Variants in SNX30 observed in about 807,000 individuals in gnomAD.
The protein encoded by SNX30 is sorting nexin-30.
SNX30 carries 24 observed loss-of-function variants against 46.4 expected under a neutral mutation model. The ratio of observed to expected loss-of-function variants is 0.52; its 90% CI spans 0.37 to 0.73. The LOEUF (loss-of-function observed/expected upper bound fraction) is 0.73. SNX30 is among the 30% of genes least tolerant of loss of function. The pLI is 0.00. For synonymous variants in SNX30, 189 were observed against 211.5 expected (o/e 0.89, Z 0.92); for missense variants, 533 against 555.7 (o/e 0.96, Z 0.41).
At chr9:112,787,230 A>G (rs1839943651) in intron 1 of SNX30, among the ~76,000 whole-genome samples, 1 of 152,212 alleles carries the variant, frequency 6.6e-6, no homozygotes, top group Non-Finnish European at 1.5e-5. Context: ...GCAGATCTAA[A>G]TCAATACAAC....
chr9:112,763,360 C>CTTTTTTT (rs751720343), intron 1 of SNX30, among the ~76,000 whole-genome samples: 1 of 47,566 alleles, frequency 2.1e-5, no homozygotes, highest in Non-Finnish European at 3.4e-5. Flanking sequence ...GCTATTTAAA[C>CTTTTTTT]TTTTTTTTTT....
intron 6 of SNX30, among the ~76,000 whole-genome samples, chr9:112,847,252 C>T (rs1030353363): frequency 4.0e-5 from 6 of 151,052 alleles, no homozygotes; most frequent in East Asian, 1.9e-4. Context: ...GTATCCCAGC[C>T]GTCCCGTGCG....
At chr9:112,781,259 A>G (rs1238256951) in intron 1 of SNX30, among the ~76,000 whole-genome samples, 2 of 152,174 alleles carry the variant, frequency 1.3e-5, no homozygotes, top group Admixed American at 6.5e-5. Flanking sequence ...TTTATTGGCT[A>G]TATTTACATA....
intron 1 of SNX30, among the ~76,000 whole-genome samples, chr9:112,758,465 G>T (rs956836168): frequency 6.6e-6 from 1 of 152,150 alleles, no homozygotes; most frequent in Non-Finnish European, 1.5e-5. Context: ...GAGTAGCTGG[G>T]ACCACAGACG....
rs115553948 is a variant in SNX30, at chr9:112,866,019, G to A, written c.1254+1620G>A. 5.4e-3 allele frequency among the ~76,000 whole-genome samples: 825 copies of A among 152,184 alleles called. 5 individuals carry two copies. Among genetic ancestry groups the A allele is most frequent in the African/African-American group, 0.016 (670 of 41,504 alleles). ...AGGACCCAACCCTGGTCTTAAGTAC[G>A]TGTTTATCTGTCTTCCCACTATATC... On this transcript the variant is annotated intron_variant, in intron 8 of 8. Transcript: ENST00000374232.
chr9:112,754,340 G>C (rs1483400188), intron 1 of SNX30, among the ~76,000 whole-genome samples: 1 of 151,408 alleles, frequency 6.6e-6, no homozygotes, highest in Non-Finnish European at 1.5e-5. Context: ...CCCAAAGGAG[G>C]AATCCTTTCT....
At chr9:112,823,479 G>A (rs1840536584) in intron 3 of SNX30, among the ~76,000 whole-genome samples, 1 of 152,170 alleles carries the variant, frequency 6.6e-6, no homozygotes, top group Admixed American at 6.5e-5. Context: ...TGCATTTCCT[G>A]GAGCACTAGT....
chr9:112,761,272 C>T (rs1046575163), intron 1 of SNX30, among the ~76,000 whole-genome samples: 1 of 152,190 alleles, frequency 6.6e-6, no homozygotes, highest in Non-Finnish European at 1.5e-5. Context: ...AAGCGATTCT[C>T]CTGCCTCAGC....
At chr9:112,789,556 G>T (rs1335850286) in intron 1 of SNX30, among the ~76,000 whole-genome samples, 1 of 152,202 alleles carries the variant, frequency 6.6e-6, no homozygotes, top group Non-Finnish European at 1.5e-5. Flanking sequence ...TGTGTATTCG[G>T]TGTTTAGTAT....
In SNX30 at chr9:112,867,414, CTCCTCAGAACTCCTCCTCCT is replaced by C. The variant is rs1216027954; in HGVS notation, c.1255-1350_1255-1331del. On this transcript the variant is annotated intron_variant, in intron 8 of 8. Coordinates refer to ENST00000374232, the MANE Select transcript of SNX30 (RefSeq NM_001012994.2). ...CCCACCTCCTCAGAATTCCTCCTCC[CTCCTCAGAACTCCTCCTCCT>C]TCCTCAGAACTCCTCCTCCATCCTC... 4.0e-3 allele frequency among the ~76,000 whole-genome samples: 607 copies of C among 150,086 alleles called. 11 individuals carry two copies. The highest frequency in any genetic ancestry group is 0.014 in the African/African-American group (578 of 40,132).
At chr9:112,879,822 G>C, downstream of SNX30, 2 of 1,612,366 alleles carry the variant, frequency 1.2e-6, no homozygotes, top group Non-Finnish European at 1.7e-6. Context: ...CCACGATGCT[G>C]TAAGAATTGA....
Position 112,874,939 on chromosome 9 carries a change from C to T in SNX30, c.*6096C>T, listed in dbSNP as rs1841501867. On this transcript the variant is annotated 3_prime_UTR_variant, in exon 9 of 9. Coordinates refer to ENST00000374232, the MANE Select transcript of SNX30 (RefSeq NM_001012994.2). ...AGCTTGTAAATTTAAAGTTTCTTTA[C>T]TTCAATTAACTTAAAGGACCAATAA... is the stretch of plus-strand genomic sequence containing the variant. The T allele has an allele frequency of 6.6e-6, 1 of 152,090 alleles. No homozygotes were observed. The highest frequency in any genetic ancestry group is 2.4e-5 in the African/African-American group (1 of 41,430). 9.4% of individuals were successfully genotyped at this position (152,090 alleles called of 1,614,324 possible). A position where few individuals can be genotyped will look rare whatever the true frequency, so the allele number is the denominator to read the frequency against.
At chr9:112,859,015 T>G (rs1385054830) in intron 7 of SNX30, among the ~76,000 whole-genome samples, 1 of 152,236 alleles carries the variant, frequency 6.6e-6, no homozygotes, top group African/African-American at 2.4e-5. Context: ...ACATTTACAT[T>G]GTTGTGCAAT....
At chr9:112,793,152 AC>A (rs1241389916) in intron 1 of SNX30, among the ~76,000 whole-genome samples, 1 of 152,106 alleles carries the variant, frequency 6.6e-6, no homozygotes, top group African/African-American at 2.4e-5. Context: ...CTGTGTTTCT[AC>A]TTGATGTTGT....
chr9:112,822,265 G>A (rs186533427), intron 3 of SNX30, among the ~76,000 whole-genome samples: 137 of 152,200 alleles, frequency 9.0e-4, no homozygotes, highest in African/African-American at 3.2e-3. Flanking sequence ...AAGTATGCTG[G>A]TTGTATATGT....
intron 6 of SNX30, among the ~76,000 whole-genome samples, chr9:112,847,520 T>G (rs1840958486): frequency 6.6e-6 from 1 of 152,198 alleles, no homozygotes; most frequent in Non-Finnish European, 1.5e-5. Flanking sequence ...TTCCCCAGTT[T>G]GTCTCAGACA....
At chr9:112,845,495 C>T (rs1473927087) in intron 6 of SNX30, among the ~76,000 whole-genome samples, 3 of 152,190 alleles carry the variant, frequency 2.0e-5, no homozygotes, top group Admixed American at 1.3e-4. Flanking sequence ...GGGCCACTTC[C>T]TTCTCCACTT....
intron 1 of SNX30, among the ~76,000 whole-genome samples, chr9:112,758,575 T>C (rs1463027409): frequency 6.6e-6 from 1 of 152,186 alleles, no homozygotes; most frequent in Non-Finnish European, 1.5e-5. Context: ...TTTGTGTTTT[T>C]GGTAGAGACG....
intron 8 of SNX30, 130 bp downstream of exon 8, chr9:112,864,529 T>TCCCGCTTCATGCCCTTGCCC: frequency 8.1e-7 from 1 of 1,227,542 alleles, no homozygotes; most frequent in Non-Finnish European, 1.2e-6. Context: ...TAGTCTTGGC[T>TCCCGCTTCATGCCCTTGCCC]CCCGCTTCAT....
Sources: allele counts gnomAD v4.1 joint callset (sites outside exome capture counted in the v4.1 genomes callset), GRCh38; gene constraint gnomAD v4.1.1; transcripts MANE v1.5; gene names NCBI Gene and HGNC (gene_info 2026-07-23, HGNC 2026-07-21).